KIF4A: variants seen among roughly 807,000 people sequenced by gnomAD.
KIF4A encodes the protein chromosome-associated kinesin KIF4A.
In KIF4A, 7 loss-of-function variants were observed where a neutral mutation model predicts 105.9. The ratio of observed to expected loss-of-function variants is 0.07; its 90% CI spans 0.04 to 0.12. The LOEUF is 0.12. KIF4A is among the 10% of genes least tolerant of loss of function. The probability of loss-of-function intolerance (pLI) is 1.00; values close to 1 mark genes in which losing one functional copy is unlikely to be tolerated. For synonymous variants in KIF4A, 281 were observed against 331.3 expected (o/e 0.85, Z 1.65); for missense variants, 558 against 929.2 (o/e 0.60, Z 5.19).
In KIF4A at chrX:70,302,001, C is replaced by T. The variant is rs1569228894; in HGVS notation, c.618C>T (p.Asn206=). The part of the protein sequence containing the change: ...NSRTVASTAM[N]SQSSRSHAIF... ...GGACTGTGGCCTCCACGGCTATGAA[C>T]TCCCAGTCGTCCCGATCTCATGCCA... Residue 206 remains asparagine, a synonymous_variant, in exon 6 of 31, where the codon AAC becomes AAT. Coordinates refer to ENST00000374403, the MANE Select transcript of KIF4A (RefSeq NM_012310.5). The T allele has an allele frequency of 8.3e-7, 1 of 1,211,817 alleles. No homozygotes were observed. Among genetic ancestry groups the T allele is most frequent in the East Asian group, 3.0e-5 (1 of 33,842 alleles).
At chrX:70,417,862 T>G in intron 28 of KIF4A, 26 bp from the exon 29 acceptor site, 3 of 1,135,389 alleles carry the variant, frequency 2.6e-6, no homozygotes, top group Non-Finnish European at 3.6e-6. Flanking sequence ...TTCAGTAATG[T>G]GTCTTTCTGC....
intron 28 of KIF4A, among the ~76,000 whole-genome samples, chrX:70,413,505 A>G (rs1044767816): frequency 9.1e-6 from 1 of 110,359 alleles, no homozygotes; most frequent in Non-Finnish European, 1.9e-5. Context: ...GTGATGGCGC[A>G]CGCCTGTAAT....
intron 15 of KIF4A, among the ~76,000 whole-genome samples, chrX:70,369,412 C>T (rs1301283363): frequency 1.8e-5 from 2 of 112,361 alleles, no homozygotes; most frequent in African/African-American, 6.5e-5. Flanking sequence ...AACTATTTTT[C>T]ATCTATCAGA....
chrX:70,378,201 T>C (rs1304869083), intron 18 of KIF4A, among the ~76,000 whole-genome samples: 2 of 111,271 alleles, frequency 1.8e-5, no homozygotes, highest in African/African-American at 6.5e-5. Context: ...ATGCCTATAT[T>C]AAAAAATGCA....
chrX:70,377,765 G>A (rs972250161), intron 18 of KIF4A, among the ~76,000 whole-genome samples: 6 of 111,366 alleles, frequency 5.4e-5, no homozygotes, highest in Non-Finnish European at 7.5e-5. Flanking sequence ...ATGAAACACC[G>A]TGTCTATTAA....
At chrX:70,351,484 A>G (rs1191631126) in intron 13 of KIF4A, among the ~76,000 whole-genome samples, 2 of 111,917 alleles carry the variant, frequency 1.8e-5, no homozygotes, top group Non-Finnish European at 3.8e-5. Flanking sequence ...CATTCTTCTT[A>G]TGGTTGAGTA....
chrX:70,337,652 A>C (rs990904116), intron 10 of KIF4A, among the ~76,000 whole-genome samples: 1 of 111,687 alleles, frequency 9.0e-6, no homozygotes, highest in South Asian at 3.8e-4. Context: ...TCTAGGCAAC[A>C]GAGTGAGACC....
chrX:70,350,163 C>T (rs1426349645), intron 13 of KIF4A, among the ~76,000 whole-genome samples: 2 of 111,144 alleles, frequency 1.8e-5, no homozygotes, highest in African/African-American at 3.3e-5. Flanking sequence ...TGTAGCGAGC[C>T]GAGATCACGC....
At chrX:70,323,143 C>T (rs1459254048) in intron 7 of KIF4A, among the ~76,000 whole-genome samples, 1 of 110,884 alleles carries the variant, frequency 9.0e-6, no homozygotes, top group African/African-American at 3.3e-5. Context: ...TGCGAAATTG[C>T]CTTCCCTCTA....
rs746795186 is a variant in KIF4A at position 70,420,234 on chromosome X, G to T, written c.3668G>T (p.Gly1223Val). Residue 1223 changes from glycine to valine, a missense_variant, in exon 31 of 31, where the codon GGC (glycine) becomes GTC (valine). Physicochemically the swap from Gly to Val is moderately radical, Grantham distance 109. This residue lies in a region of KIF4A where 469 missense variants were observed against 680.4 expected (regional missense o/e 0.69). Coordinates refer to ENST00000374403, the MANE Select transcript of KIF4A (RefSeq NM_012310.5). ...ALASNTSFFSGCSPIEEEAH is the reference protein window; with the variant it reads ...ALASNTSFFSVCSPIEEEAH ...GCCAGCAACACCAGCTTCTTCTCTG[G>T]CTGCTCCCCTATCGAAGAAGAGGCC... 2.5e-6 allele frequency: 3 copies of T among 1,209,730 alleles called. No individual in the cohort carries two copies. In the East Asian group the frequency reaches 8.9e-5, roughly 36 times the overall value.
At chrX:70,397,747 A>G (rs1199009727) in intron 22 of KIF4A, among the ~76,000 whole-genome samples, 1 of 112,128 alleles carries the variant, frequency 8.9e-6, no homozygotes, top group African/African-American at 3.2e-5. Context: ...TTAGCAATAC[A>G]TACTAACTTT....
Position 70,306,598 on chromosome X carries a change from G to A in KIF4A, c.778+4200G>A, listed in dbSNP as rs141918769. Among the ~76,000 whole-genome samples, 1,056 of 110,597 alleles carry A rather than the reference G, an allele frequency of 9.5e-3. 11 individuals are homozygous for A. Among genetic ancestry groups the A allele is most frequent in the African/African-American group, 0.033 (1,007 of 30,416 alleles). On this transcript the variant is annotated intron_variant, in intron 7 of 30. Transcript: ENST00000374403. ...GTTGCCCAGGCTGGAGTGCAGTGGT[G>A]TGATCTCGGCTCACTGCAACCTCTG...
At chrX:70,387,772 G>C (rs750482058) in intron 20 of KIF4A, among the ~76,000 whole-genome samples, 10 of 111,629 alleles carry the variant, frequency 9.0e-5, no homozygotes, top group African/African-American at 3.3e-4. Flanking sequence ...GGAGGCTGAG[G>C]GAGGAGAATC....
In KIF4A at chrX:70,405,851, A is replaced by G; in HGVS notation, c.2922A>G (p.Arg974=). Residue 974 remains arginine (R), a synonymous_variant, in exon 26 of 31, where the codon CGA becomes CGG. Transcript: ENST00000374403. ...KCQDEELEKM[R]EVCEQNQQLL... Reference sequence around the variant, plus strand: ...AGGATGAAGAACTTGAGAAAATGCGAGAAGTGTGTGAGCAAAATCAGCAGC... The same window carrying G: ...AGGATGAAGAACTTGAGAAAATGCGGGAAGTGTGTGAGCAAAATCAGCAGC... 2.5e-6 allele frequency: 3 copies of G among 1,209,236 alleles called. No individual in the cohort carries two copies. Among genetic ancestry groups the G allele is most frequent in the Non-Finnish European group, 3.4e-6 (3 of 893,335 alleles).
At chrX:70,364,395 T>C (rs1027935223) in intron 15 of KIF4A, among the ~76,000 whole-genome samples, 2 of 109,506 alleles carry the variant, frequency 1.8e-5, no homozygotes. Context: ...AAGTCTTTAA[T>C]CCATCTTGAA....
chrX:70,379,019 C>G (rs2086186264), intron 18 of KIF4A, among the ~76,000 whole-genome samples: 2 of 107,560 alleles, frequency 1.9e-5, no homozygotes, highest in Non-Finnish European at 3.8e-5. Context: ...AAAAATTAGC[C>G]AGGTGTAGTG....
At position 70,407,052 on chromosome X, in the gene KIF4A, G is replaced by A. The variant is rs755374957; in HGVS notation, c.3232G>A (p.Val1078Met). ...EEWKPTKLVK[V>M]SRKNIQGCSC... ...ATGGAAGCCAACAAAATTAGTTAAGGTGTCCAGGAAGAACATCCAAGGGGT... is the reference window on the plus strand; with the variant it reads ...ATGGAAGCCAACAAAATTAGTTAAGATGTCCAGGAAGAACATCCAAGGGGT... The change falls in exon 28 of 31, where the codon GTG (valine) becomes ATG (methionine). Residue 1078 changes from valine to methionine, a missense_variant. Transcript: ENST00000374403. 8.3e-7 allele frequency: 1 copy of A among 1,198,213 alleles called. No homozygotes were observed. The highest frequency in any genetic ancestry group is 1.1e-6 in the Non-Finnish European group (1 of 888,122).
chrX:70,292,501 AGTG>A (rs769245589), intron 3 of KIF4A, among the ~76,000 whole-genome samples: 64 of 112,355 alleles, frequency 5.7e-4, no homozygotes, highest in Non-Finnish European at 7.5e-5. Flanking sequence ...ATATCACAGA[AGTG>A]GTGCTGTTTT....
chrX:70,324,751 G>A (rs766179594), intron 7 of KIF4A, among the ~76,000 whole-genome samples: 1 of 110,567 alleles, frequency 9.0e-6, no homozygotes, highest in African/African-American at 3.3e-5. Context: ...TTACTCCCAA[G>A]TCCACCTTCC....
Sources: allele counts gnomAD v4.1 joint callset (sites outside exome capture counted in the v4.1 genomes callset), GRCh38; gene constraint gnomAD v4.1.1; regional missense constraint gnomAD v4.1.1; transcripts MANE v1.5; gene names NCBI Gene and HGNC (gene_info 2026-07-23, HGNC 2026-07-21).